Variants in NOX1 observed in about 807,000 individuals in gnomAD.
NOX1 encodes the protein NADH/NADPH mitogenic oxidase subunit P65-MOX.
A neutral mutation model predicts 42.5 loss-of-function variants in NOX1; 34 were observed. The ratio of observed to expected loss-of-function variants is 0.80; its 90% CI spans 0.61 to 1.07. The LOEUF (loss-of-function observed/expected upper bound fraction) is 1.07. Ranked by LOEUF, NOX1 falls within the 50% of genes least tolerant of loss-of-function variation. The pLI is 0.00. For missense variants in NOX1, 408 were observed against 427.0 expected (o/e 0.96, Z 0.39); for synonymous variants, 143 against 152.5 (o/e 0.94, Z 0.46).
In NOX1 at chrX:100,849,919, A is replaced by AC; in HGVS notation, c.1148dup (p.Pro384SerfsTer7). 1.7e-6 allele frequency: 2 copies of AC among 1,200,518 alleles called. No individual in the cohort carries two copies. Among genetic ancestry groups the AC allele is most frequent in the Non-Finnish European group, 2.2e-6 (2 of 890,871 alleles). Reference sequence around the variant, plus strand: ...CATCCTCACTGGCTGTGCCAAAGGGACCATCCACTTCAATCCTGGCAGAAG... The same window carrying AC: ...CATCCTCACTGGCTGTGCCAAAGGGACCCATCCACTTCAATCCTGGCAGAAG... On this transcript the variant is annotated frameshift_variant, in exon 10 of 13. Coordinates refer to ENST00000372966, the MANE Select transcript of NOX1 (RefSeq NM_007052.5). LOFTEE classifies it high-confidence loss of function.
In NOX1 at chrX:100,856,731, C is replaced by T. The variant is rs185398284; in HGVS notation, c.805-5406G>A. On this transcript the variant is annotated intron_variant, in intron 7 of 12. Coordinates refer to ENST00000372966, the MANE Select transcript of NOX1 (RefSeq NM_007052.5). ...GGAACCAGAGTCGTGCACCACCATG[C>T]CCGGCTAATTTTTTAATATTCTGTA... 3.6e-5 allele frequency among the ~76,000 whole-genome samples: 4 copies of T among 110,229 alleles called. No individual in the cohort carries two copies. In the Admixed American group the frequency reaches 3.9e-4, roughly 11 times the overall value.
At chrX:100,855,791 A>G (rs1488583369) in intron 7 of NOX1, 1 of 1,069,240 alleles carries the variant, frequency 9.4e-7, no homozygotes, top group Non-Finnish European at 1.3e-6. Context: ...CACCTCCACG[A>G]CCACTTCGAC....
Position 100,863,210 on chromosome X carries a change from G to C in NOX1, c.286C>G (p.His96Asp). The change falls in exon 4 of 13, where the codon CAC becomes GAC. Residue 96 changes from histidine (H) to aspartate (D), a missense_variant. His to Asp is a moderately conservative substitution (Grantham distance 81). Transcript: ENST00000372966. ...CSRTLRKQLD[H>D]NLTFHKLVAY... ...ACCAGCTTGTGGAAGGTGAGGTTGT[G>C]ATCCAATTGCTTTCTCAGTGTGCGG... The C allele has an allele frequency of 8.3e-7, 1 of 1,208,091 alleles. No homozygotes were observed. The highest frequency in any genetic ancestry group is 1.1e-6 in the Non-Finnish European group (1 of 892,099).
chrX:100,859,317 T>G (rs2085187749), intron 7 of NOX1, among the ~76,000 whole-genome samples: 1 of 112,185 alleles, frequency 8.9e-6, no homozygotes. Context: ...TTTGATGTGC[T>G]GCTGGATTCA....
rs377571600 is a variant in NOX1, at chrX:100,844,446, T to A, written c.1569-368A>T. On this transcript the variant is annotated intron_variant, in intron 12 of 12. Transcript: ENST00000372966. ...TTTCTTTTTTTCTTTTTTCTTTTCT[T>A]TTTTTGAGATGGAGTCTTGCTCTGT... Among the ~76,000 whole-genome samples the A allele has an allele frequency of 3.6e-5, 4 of 111,584 alleles. No homozygotes were observed. In the East Asian group the frequency reaches 8.4e-4, roughly 24 times the overall value.
At chrX:100,847,527 G>A (rs1001052549) in intron 12 of NOX1, among the ~76,000 whole-genome samples, 1 of 109,954 alleles carries the variant, frequency 9.1e-6, no homozygotes, top group Non-Finnish European at 1.9e-5. Flanking sequence ...CACTTTTGGG[G>A]GCTGAGGCAG....
chrX:100,869,156 T>C (rs966574754), intron 2 of NOX1, among the ~76,000 whole-genome samples: 4 of 111,079 alleles, frequency 3.6e-5, no homozygotes, highest in Admixed American at 2.9e-4. Context: ...TCTTTTTTGG[T>C]TCCATATGAA....
intron 12 of NOX1, 135 bp from the exon 13 acceptor site, chrX:100,844,213 G>A: frequency 1.7e-6 from 1 of 576,019 alleles, no homozygotes; most frequent in Non-Finnish European, 2.7e-6. Flanking sequence ...CTTCATGGTA[G>A]TTTTTTAACC....
chrX:100,844,197 C>T (rs1469623702), intron 12 of NOX1, 119 bp from the exon 13 acceptor site: 1 of 649,857 alleles, frequency 1.5e-6, no homozygotes, highest in Non-Finnish European at 2.3e-6. Context: ...TGTTTACTCC[C>T]ACGTTCTTCA....
In NOX1 at chrX:100,844,270, C is replaced by G. The variant is rs184592801; in HGVS notation, c.1569-192G>C. Among the ~76,000 whole-genome samples the G allele has an allele frequency of 7.1e-5, 8 of 111,911 alleles. No homozygotes were observed. The East Asian group carries it at 2.0e-3, about 28-fold the overall frequency. On this transcript the variant is annotated intron_variant, in intron 12 of 12. Coordinates refer to ENST00000372966, the MANE Select transcript of NOX1 (RefSeq NM_007052.5). ...ATATGCTCTCAGCCCTTAACACTCTCAGCACTCAGCCTTCCCTGTTTTGAG... is the reference window on the plus strand; with the variant it reads ...ATATGCTCTCAGCCCTTAACACTCTGAGCACTCAGCCTTCCCTGTTTTGAG...
In NOX1 at chrX:100,874,123, A is replaced by G. The variant is rs912205173; in HGVS notation, c.17T>C (p.Val6Ala). ...AAACAAAACTGAAAACCAGTGGTTAACCACCCAGTTTCCCATTGTCAAGAG... is the reference window on the plus strand; with the variant it reads ...AAACAAAACTGAAAACCAGTGGTTAGCCACCCAGTTTCCCATTGTCAAGAG... MGNWV[V>A]NHWFSVLFLV... The change falls in exon 1 of 13, where the codon GTT becomes GCT. Residue 6 changes from valine to alanine, a missense_variant. Physicochemically the swap from Val to Ala is moderately conservative, Grantham distance 64 (BLOSUM62 0). Coordinates refer to ENST00000372966, the MANE Select transcript of NOX1 (RefSeq NM_007052.5). 8.3e-7 allele frequency: 1 copy of G among 1,204,227 alleles called. No individual in the cohort carries two copies. The highest frequency in any genetic ancestry group is 2.2e-5 in the Admixed American group (1 of 45,595).
At chrX:100,856,519 C>T in intron 7 of NOX1, 1 of 288,197 alleles carries the variant, frequency 3.5e-6, no homozygotes, top group African/African-American at 2.6e-5. Context: ...TTATAATTTC[C>T]TCTGACTTTA....
intron 8 of NOX1, 24 bp from the exon 9 acceptor site, chrX:100,850,410 A>C: frequency 9.7e-7 from 1 of 1,028,560 alleles, no homozygotes; most frequent in African/African-American, 1.9e-5. Flanking sequence ...ACATAGACCA[A>C]AGAAAGCAAA....
rs146306659 is a variant in NOX1 at position 100,863,169 on chromosome X, G to A, written c.327C>T (p.Cys109=). 10 of 1,199,055 alleles carry A rather than the reference G, an allele frequency of 8.3e-6. No individual in the cohort carries two copies. The highest frequency in any genetic ancestry group is 1.1e-5 in the Non-Finnish European group (10 of 883,966). Residue 109 remains cysteine (C), a synonymous_variant, in exon 4 of 13, where the codon TGC becomes TGT. Transcript: ENST00000372966. The part of the protein sequence containing the change: ...TFHKLVAYMI[C]LHTAIHIIAH... ...GATTGCCTGAGTTACCTGTATGTAG[G>A]CAGATCATATAGGCCACCAGCTTGT...
chrX:100,848,480 C>T (rs958716823), intron 12 of NOX1, 150 bp downstream of exon 12: 10 of 366,593 alleles, frequency 2.7e-5, no homozygotes, highest in Admixed American at 9.0e-5. Context: ...TTAGTAGTGA[C>T]GGGGTTTTGC....
intron 12 of NOX1, among the ~76,000 whole-genome samples, chrX:100,845,615 T>A (rs939477022): frequency 4.4e-5 from 4 of 91,651 alleles, no homozygotes; most frequent in Non-Finnish European, 8.6e-5. Flanking sequence ...CTATGTGTTT[T>A]TTTTTTTTTT....
chrX:100,857,083 C>T (rs1486532624), intron 7 of NOX1, among the ~76,000 whole-genome samples: 1 of 111,556 alleles, frequency 9.0e-6, no homozygotes, highest in East Asian at 2.8e-4. Flanking sequence ...TCTTTGTGTG[C>T]ATATGTACTC....
At position 100,849,366 on chromosome X, in the gene NOX1, T is replaced by C. The variant is rs146470843; in HGVS notation, c.1357A>G (p.Thr453Ala). Residue 453 changes from threonine (T) to alanine (A), a missense_variant, in exon 11 of 13, where the codon ACT becomes GCT. Physicochemically the swap from Thr to Ala is moderately conservative, Grantham distance 58 (BLOSUM62 0). Transcript: ENST00000372966. ...TCCTCCATCTCCTGTTCCAGGGAAG[T>C]CAACAGGTTGTTGAACCAGGAAAAG... Reference protein sequence around the residue: ...GAFSWFNNLLTSLEQEMEELG... With the variant: ...GAFSWFNNLLASLEQEMEELG... 145 of 1,208,856 alleles carry C rather than the reference T, an allele frequency of 1.2e-4. No homozygotes were observed. In the African/African-American group the frequency reaches 2.3e-3, roughly 19 times the overall value.
intron 7 of NOX1, among the ~76,000 whole-genome samples, chrX:100,861,506 G>A (rs1014118824): frequency 4.5e-5 from 5 of 111,093 alleles, no homozygotes; most frequent in Non-Finnish European, 7.5e-5. Context: ...AATAATATCC[G>A]CAAGAATTAC....
Sources: allele counts gnomAD v4.1 joint callset (sites outside exome capture counted in the v4.1 genomes callset), GRCh38; gene constraint gnomAD v4.1.1; transcripts MANE v1.5; gene names NCBI Gene and HGNC (gene_info 2026-07-23, HGNC 2026-07-21).